CEP112: variants seen among roughly 807,000 people sequenced by gnomAD.
CEP112 encodes centrosomal protein 112, also known as centrosomal protein of 112 kDa.
Under a neutral mutation model 153.0 loss-of-function variants are expected in CEP112, and 127 were observed. The ratio of observed to expected loss-of-function variants is 0.83; its 90% CI spans 0.72 to 0.96. The LOEUF (loss-of-function observed/expected upper bound fraction) is 0.96. CEP112 is among the 40% of genes least tolerant of loss of function. The pLI is 0.00. For synonymous variants in CEP112, 358 were observed against 374.4 expected, an observed-to-expected ratio of 0.96 and a Z score of 0.51; for missense variants, 1,089 against 1,101.2, an observed-to-expected ratio of 0.99 and a Z score of 0.16.
chr17:66,103,267 T>C (rs1028136633), intron 6 of CEP112, among the ~76,000 whole-genome samples: 7 of 150,542 alleles, frequency 4.6e-5, no homozygotes, highest in African/African-American at 1.2e-4. Flanking sequence ...CCCTTTAAGA[T>C]TGGGAATGAT....
At chr17:65,763,612 A>G (rs1294524614) in intron 21 of CEP112, among the ~76,000 whole-genome samples, 1 of 151,600 alleles carries the variant, frequency 6.6e-6, no homozygotes, top group East Asian at 1.9e-4. Flanking sequence ...TGAGTCTATC[A>G]CAGTCTTCAT....
At chr17:66,111,961 G>A (rs2069069498) in intron 6 of CEP112, among the ~76,000 whole-genome samples, 1 of 152,164 alleles carries the variant, frequency 6.6e-6, no homozygotes. Context: ...TTGCACAAAT[G>A]ATTAGTCTCC....
chr17:65,741,199 A>G (rs1395434410), intron 23 of CEP112, among the ~76,000 whole-genome samples: 2 of 152,168 alleles, frequency 1.3e-5, no homozygotes, highest in Non-Finnish European at 2.9e-5. Flanking sequence ...CATGAGATGA[A>G]TGAAAATGGC....
At chr17:65,916,754 C>T (rs1388722724) in intron 19 of CEP112, among the ~76,000 whole-genome samples, 2 of 151,838 alleles carry the variant, frequency 1.3e-5, no homozygotes, top group Non-Finnish European at 2.9e-5. Flanking sequence ...ACTACGTTGC[C>T]CAGGCTGGTC....
chr17:65,949,731 G>T (rs1462074505), intron 18 of CEP112, among the ~76,000 whole-genome samples: 2 of 152,120 alleles, frequency 1.3e-5, no homozygotes, highest in African/African-American at 4.8e-5. Flanking sequence ...ATGAGGAGTG[G>T]ACCAATTAAA....
At chr17:65,637,373 T>A (rs1859454) in intron 25 of CEP112, among the ~76,000 whole-genome samples, 185 bp from the exon 26 acceptor site, 108,415 of 152,210 alleles carry the variant, frequency 0.71, 40,086 homozygotes, top group East Asian at 0.95. Flanking sequence ...AATCCATCAG[T>A]TACGACAGAA....
chr17:65,948,425 C>T (rs533978804), intron 18 of CEP112, among the ~76,000 whole-genome samples: 4 of 152,182 alleles, frequency 2.6e-5, no homozygotes, highest in South Asian at 2.1e-4. Flanking sequence ...AGTTAGCTGA[C>T]GTTCATATTG....
At chr17:65,660,179 C>T (rs1046789971) in intron 24 of CEP112, among the ~76,000 whole-genome samples, 3 of 131,976 alleles carry the variant, frequency 2.3e-5, no homozygotes, top group Non-Finnish European at 4.7e-5. Context: ...CTTGATTTCT[C>T]CTTCCTTCCT....
intron 8 of CEP112, among the ~76,000 whole-genome samples, 184 bp from the exon 9 acceptor site, chr17:66,070,185 T>G (rs2067260158): frequency 6.6e-6 from 1 of 152,148 alleles, no homozygotes; most frequent in Admixed American, 6.5e-5. Context: ...TCTAATTACT[T>G]TCAAACTAGT....
intron 18 of CEP112, among the ~76,000 whole-genome samples, chr17:65,937,584 C>T (rs1221510813): frequency 1.0e-4 from 10 of 96,940 alleles, no homozygotes; most frequent in South Asian, 5.7e-4. Context: ...GTCAGCCCCC[C>T]ACCCGGCCAG....
chr17:65,900,906 G>C (rs1207885233), intron 20 of CEP112, among the ~76,000 whole-genome samples: 1 of 152,120 alleles, frequency 6.6e-6, no homozygotes, highest in Non-Finnish European at 1.5e-5. Flanking sequence ...TAGCAAGCCA[G>C]CGTAAAACAA....
chr17:65,767,273 G>A (rs1315915282), intron 21 of CEP112, among the ~76,000 whole-genome samples: 1 of 151,936 alleles, frequency 6.6e-6, no homozygotes, highest in African/African-American at 2.4e-5. Context: ...TAAACAACTG[G>A]CTCTAAATAA....
At position 66,129,754 on chromosome 17, in the gene CEP112, T is replaced by G; in HGVS notation, c.634A>C (p.Asn212His). 3 of 1,609,198 alleles carry G rather than the reference T, an allele frequency of 1.9e-6. No homozygotes were observed. The highest frequency in any genetic ancestry group is 2.5e-6 in the Non-Finnish European group (3 of 1,177,394). ...CAAATACTTTTTTTTACCCCAAGAT[T>G]CCAACTATTAAGGCGAGCTTCAATG... ...SDIEARLNSW[N>H]LGIENPRYLR... The change falls in exon 6 of 27, where the codon AAT becomes CAT. Residue 212 changes from asparagine to histidine, a missense_variant. By Grantham distance (68) the Asn-to-His change is moderately conservative. Transcript: ENST00000535342.
chr17:65,840,485 C>T (rs1297413566), intron 21 of CEP112, among the ~76,000 whole-genome samples: 1 of 152,018 alleles, frequency 6.6e-6, no homozygotes, highest in Non-Finnish European at 1.5e-5. Context: ...CTATCTCTCA[C>T]CATATACAAA....
At chr17:66,160,114 A>G (rs1170931200) in intron 4 of CEP112, among the ~76,000 whole-genome samples, 1 of 152,196 alleles carries the variant, frequency 6.6e-6, no homozygotes, top group African/African-American at 2.4e-5. Context: ...AGAATAAAAT[A>G]TCTAGGAATG....
At chr17:65,777,887 C>A (rs1198459952) in intron 21 of CEP112, among the ~76,000 whole-genome samples, 1 of 152,134 alleles carries the variant, frequency 6.6e-6, no homozygotes, top group East Asian at 1.9e-4. Context: ...CACCATTCTG[C>A]CCCACCAATA....
At chr17:65,726,236 G>C (rs2050173076) in intron 23 of CEP112, among the ~76,000 whole-genome samples, 1 of 152,064 alleles carries the variant, frequency 6.6e-6, no homozygotes, top group African/African-American at 2.4e-5. Flanking sequence ...CTACTTGGGA[G>C]GCTGAGGCAG....
intron 8 of CEP112, among the ~76,000 whole-genome samples, chr17:66,078,138 A>G (rs1343483741): frequency 6.6e-6 from 1 of 150,526 alleles, no homozygotes; most frequent in East Asian, 1.9e-4. Flanking sequence ...CCCTTTCCCC[A>G]CTTTATGTTT....
intron 25 of CEP112, among the ~76,000 whole-genome samples, chr17:65,639,413 A>C (rs956062101): frequency 6.6e-6 from 1 of 152,118 alleles, no homozygotes; most frequent in Non-Finnish European, 1.5e-5. Context: ...TGGGCTGGGC[A>C]CGGTGGCTCA....
Sources: allele counts gnomAD v4.1 joint callset (sites outside exome capture counted in the v4.1 genomes callset), GRCh38; gene constraint gnomAD v4.1.1; transcripts MANE v1.5; gene names NCBI Gene and HGNC (gene_info 2026-07-23, HGNC 2026-07-21).